Variants in ANXA8 observed in about 807,000 individuals in gnomAD.
ANXA8 encodes the protein VAC-beta.
Under a neutral mutation model 26.8 loss-of-function variants are expected in ANXA8, and 9 were observed. The ratio of observed to expected loss-of-function variants is 0.34; its 90% confidence interval spans 0.20 to 0.59. The LOEUF (loss-of-function observed/expected upper bound fraction) is 0.59, where lower values mean the gene tolerates loss of function less well. ANXA8 is among the 20% of genes least tolerant of loss of function. The pLI, the probability that ANXA8 is intolerant of heterozygous loss-of-function variation, is 0.84. For synonymous variants in ANXA8, 39 were observed against 94.8 expected (o/e 0.41, Z 3.42); for missense variants, 83 against 238.5 (o/e 0.35, Z 4.29).
At chr10:47,593,334 A>G in the ANXA8 span, among the ~76,000 whole-genome samples, 916 of 149,844 alleles carry the variant, frequency 6.1e-3, 23 homozygotes, top group Middle Eastern at 0.01. Context: ...CACTGAAAGG[A>G]GCACCACCAA....
the ANXA8 span, among the ~76,000 whole-genome samples, chr10:47,631,809 C>T: frequency 6.6e-6 from 1 of 151,074 alleles, no homozygotes; most frequent in African/African-American, 2.5e-5. Flanking sequence ...TATATTTTTC[C>T]TGTAAATATT....
the ANXA8 span, among the ~76,000 whole-genome samples, chr10:47,957,041 G>A: frequency 6.6e-6 from 1 of 150,434 alleles, no homozygotes; most frequent in South Asian, 2.1e-4. Flanking sequence ...TTTGGGCTGT[G>A]GATGTAGTAC....
chr10:47,926,044 T>TG, the ANXA8 span, among the ~76,000 whole-genome samples: 1 of 56,394 alleles, frequency 1.8e-5, no homozygotes, highest in African/African-American at 7.7e-5. Context: ...TTTTTTTTTT[T>TG]TTTGAGAAGG....
chr10:47,741,032 T>C, the ANXA8 span, among the ~76,000 whole-genome samples: 4 of 150,520 alleles, frequency 2.7e-5, no homozygotes, highest in African/African-American at 9.8e-5. Context: ...TCATTTTCAC[T>C]GTAGCCATTC....
the ANXA8 span, among the ~76,000 whole-genome samples, chr10:47,519,647 C>CT: frequency 8.8e-5 from 3 of 33,962 alleles, no homozygotes; most frequent in Admixed American, 3.9e-4. Flanking sequence ...AATTAAACCT[C>CT]TTTTTTGTTA....
the ANXA8 span, among the ~76,000 whole-genome samples, chr10:47,672,826 A>G: frequency 6.6e-6 from 1 of 151,856 alleles, no homozygotes; most frequent in African/African-American, 2.4e-5. Flanking sequence ...TCAGATGTAC[A>G]AAATTACAAG....
chr10:47,594,896 A>G, the ANXA8 span, among the ~76,000 whole-genome samples: 121 of 149,328 alleles, frequency 8.1e-4, 3 homozygotes, highest in Admixed American at 1.8e-3. Context: ...TGACATGCAT[A>G]CACCAGAAAT....
chr10:47,739,986 A>G, the ANXA8 span, among the ~76,000 whole-genome samples: 12,414 of 18,438 alleles, frequency 0.67, 5,291 homozygotes, highest in East Asian at 1. Flanking sequence ...ACACTACTCA[A>G]GAGGCTGAGG....
chr10:47,513,058 A>G, the ANXA8 span, among the ~76,000 whole-genome samples: 1 of 133,042 alleles, frequency 7.5e-6, no homozygotes, highest in Non-Finnish European at 1.6e-5. Flanking sequence ...TTTGAGATGG[A>G]GTCTTGCTCT....
At chr10:47,699,387 C>T in the ANXA8 span, among the ~76,000 whole-genome samples, 1 of 128,616 alleles carries the variant, frequency 7.8e-6, no homozygotes, top group Admixed American at 7.7e-5. Flanking sequence ...GGCATTTGAA[C>T]ATTTGAATGG....
At chr10:47,733,233 CTCTT>C in the ANXA8 span, among the ~76,000 whole-genome samples, 4,412 of 59,184 alleles carry the variant, frequency 0.075, 271 homozygotes, top group South Asian at 0.1. Context: ...CTTTCTTTCT[CTCTT>C]TCTTTCTTTC....
chr10:47,763,952 C>T, the ANXA8 span, among the ~76,000 whole-genome samples: 2 of 152,010 alleles, frequency 1.3e-5, no homozygotes, highest in Admixed American at 1.3e-4. Flanking sequence ...GAGGCTCCAC[C>T]CTGCCTGGGC....
the ANXA8 span, among the ~76,000 whole-genome samples, chr10:47,682,582 G>C: frequency 6.7e-6 from 1 of 149,560 alleles, no homozygotes; most frequent in African/African-American, 2.5e-5. Context: ...CGATTCTCCT[G>C]CCTCAGCCTC....
the ANXA8 span, among the ~76,000 whole-genome samples, chr10:47,767,665 C>T: frequency 6.6e-6 from 1 of 151,672 alleles, no homozygotes; most frequent in East Asian, 2.0e-4. Flanking sequence ...TAGTTCATTT[C>T]TGGCTGCAGT....
At chr10:47,550,118 A>G in the ANXA8 span, among the ~76,000 whole-genome samples, 4 of 151,250 alleles carry the variant, frequency 2.6e-5, no homozygotes, top group Admixed American at 6.6e-5. Flanking sequence ...CTCTGTCTCA[A>G]AAAAAGGAAA....
At chr10:47,744,439 A>AGGGGGGGGGGGGG in the ANXA8 span, among the ~76,000 whole-genome samples, 1 of 23,786 alleles carries the variant, frequency 4.2e-5, no homozygotes, top group African/African-American at 1.9e-4. Context: ...GGAGGGGGGA[A>AGGGGGGGGGGGGG]GAGGGGGGGC....
At chr10:47,576,568 A>G in the ANXA8 span, among the ~76,000 whole-genome samples, 1 of 151,026 alleles carries the variant, frequency 6.6e-6, no homozygotes, top group Admixed American at 6.6e-5. Flanking sequence ...GGCTCAAGCA[A>G]TCCTCCCCCT....
At chr10:47,979,752 AG>A in the ANXA8 span, among the ~76,000 whole-genome samples, 4 of 149,442 alleles carry the variant, frequency 2.7e-5, no homozygotes, top group Non-Finnish European at 6.0e-5. Flanking sequence ...AGCTTCTAGA[AG>A]CTGGGAACAG....
the ANXA8 span, among the ~76,000 whole-genome samples, chr10:47,945,066 A>G: frequency 0.18 from 25,886 of 143,052 alleles, 56 homozygotes; most frequent in Non-Finnish European, 0.26. Flanking sequence ...GAGAGCTTCT[A>G]TGTCACTCCC....
Sources: gnomAD v4.1 joint callset for allele counts (sites outside exome capture counted in the v4.1 genomes callset) on GRCh38, gnomAD v4.1.1 for gene constraint, MANE v1.5 for transcripts, NCBI Gene and HGNC (gene_info 2026-07-23, HGNC 2026-07-21) for gene names.